The following CDH13 variants were observed in gnomAD, a reference collection of about 807,000 sequenced individuals.
CDH13 encodes cadherin 13, also known as cadherin-13.
A neutral mutation model predicts 63.8 loss-of-function variants in CDH13; 24 were observed. That is an observed-to-expected ratio of 0.38 (90% CI 0.27 to 0.53). The LOEUF (loss-of-function observed/expected upper bound fraction) is 0.53, where lower values mean the gene tolerates loss of function less well. Among genes scored for constraint, CDH13 ranks in the 20% least tolerant of loss-of-function variants. CDH13 has a pLI of 0.85. For missense variants in CDH13, 1,049 were observed against 903.1 expected (o/e 1.16, Z -2.07); for synonymous variants, 503 against 355.3 (o/e 1.42, Z -4.67).
intron 6 of CDH13, among the ~76,000 whole-genome samples, chr16:83,354,900 C>A (rs985704044): frequency 6.6e-6 from 1 of 152,336 alleles, no homozygotes; most frequent in African/African-American, 2.4e-5. Context: ...CATGTATTGA[C>A]TATGGCTGCT....
intron 8 of CDH13, among the ~76,000 whole-genome samples, chr16:83,609,394 A>G (rs1285256980): frequency 7.6e-6 from 1 of 131,484 alleles, no homozygotes; most frequent in Admixed American, 7.4e-5. Context: ...CTTTAAATCA[A>G]TGACACATAT....
chr16:83,063,897 G>A (rs1193367245), intron 3 of CDH13, among the ~76,000 whole-genome samples: 2 of 152,118 alleles, frequency 1.3e-5, no homozygotes, highest in South Asian at 4.2e-4. Context: ...TGCAGGGAGA[G>A]TCCTGGGAAC....
intron 2 of CDH13, among the ~76,000 whole-genome samples, chr16:83,010,135 C>CAA (rs67985333): frequency 3.0e-4 from 15 of 50,100 alleles, no homozygotes; most frequent in African/African-American, 1.1e-3. Flanking sequence ...AACTCTGTCT[C>CAA]AAAAAAAAAA....
intron 2 of CDH13, among the ~76,000 whole-genome samples, chr16:82,976,567 T>C (rs142206217): frequency 1.3e-5 from 2 of 152,184 alleles, no homozygotes; most frequent in Non-Finnish European, 2.9e-5. Flanking sequence ...AGATAAATTA[T>C]GCCTCAAGAC....
intron 10 of CDH13, among the ~76,000 whole-genome samples, chr16:83,715,651 G>A (rs374513026): frequency 6.6e-5 from 10 of 151,692 alleles, no homozygotes; most frequent in African/African-American, 9.7e-5. Flanking sequence ...GCTGTGTGTC[G>A]CTGACAGGCA....
intron 5 of CDH13, among the ~76,000 whole-genome samples, chr16:83,232,379 G>C (rs777961294): frequency 6.6e-6 from 1 of 151,762 alleles, no homozygotes; most frequent in Non-Finnish European, 1.5e-5. Context: ...ACAAAAATTA[G>C]CCAGGCATGA....
chr16:83,154,513 G>A (rs916852042), intron 4 of CDH13, among the ~76,000 whole-genome samples: 6 of 150,514 alleles, frequency 4.0e-5, no homozygotes, highest in Admixed American at 6.7e-5. Context: ...GTTGCAGTGA[G>A]CCAAGATCGC....
intron 1 of CDH13, among the ~76,000 whole-genome samples, chr16:82,774,554 A>G (rs2035407321): frequency 6.6e-6 from 1 of 152,220 alleles, no homozygotes; most frequent in Non-Finnish European, 1.5e-5. Flanking sequence ...TTCATTCAAC[A>G]AGCATTTATT....
chr16:83,049,325 CTT>C (rs34082309), intron 3 of CDH13, among the ~76,000 whole-genome samples: 3 of 126,102 alleles, frequency 2.4e-5, no homozygotes, highest in East Asian at 2.3e-4. Context: ...TGACTGGCCT[CTT>C]TTTTTTTTTT....
intron 5 of CDH13, among the ~76,000 whole-genome samples, chr16:83,289,326 C>T (rs1365720633): frequency 2.0e-5 from 3 of 152,176 alleles, no homozygotes; most frequent in Non-Finnish European, 4.4e-5. Flanking sequence ...TATCTGGTGA[C>T]AGCTTCTTTC....
intron 7 of CDH13, among the ~76,000 whole-genome samples, chr16:83,510,321 G>A (rs1039626435): frequency 3.3e-5 from 5 of 152,246 alleles, no homozygotes; most frequent in Middle Eastern, 3.4e-3. Flanking sequence ...TATGAATTTA[G>A]ATGACATTTT....
chr16:83,509,738 A>C (rs1010144172), intron 7 of CDH13, among the ~76,000 whole-genome samples: 1 of 152,232 alleles, frequency 6.6e-6, no homozygotes, highest in Admixed American at 6.5e-5. Context: ...AAATACTAAT[A>C]ATAAAAACTA....
intron 6 of CDH13, among the ~76,000 whole-genome samples, chr16:83,366,590 A>C (rs1004591106): frequency 6.6e-6 from 1 of 152,202 alleles, no homozygotes; most frequent in African/African-American, 2.4e-5. Flanking sequence ...TACCATCATT[A>C]AGGAAGTCAC....
At chr16:83,647,350 C>T (rs1598409887) in intron 8 of CDH13, among the ~76,000 whole-genome samples, 1 of 151,434 alleles carries the variant, frequency 6.6e-6, no homozygotes, top group South Asian at 2.1e-4. Flanking sequence ...AGCATCCACT[C>T]TTACCCTACC....
chr16:82,796,163 T>G (rs1332456711), intron 1 of CDH13, among the ~76,000 whole-genome samples: 1 of 152,142 alleles, frequency 6.6e-6, no homozygotes, highest in Non-Finnish European at 1.5e-5. Flanking sequence ...GGCAGCCTCG[T>G]GGGTAATACA....
chr16:82,897,182 C>T (rs2041300049), intron 2 of CDH13, among the ~76,000 whole-genome samples: 1 of 152,048 alleles, frequency 6.6e-6, no homozygotes, highest in African/African-American at 2.4e-5. Flanking sequence ...GTGGGTTTGC[C>T]TTAGCATAGC....
chr16:83,089,641 C>G (rs1335589832), intron 3 of CDH13, among the ~76,000 whole-genome samples: 1 of 152,168 alleles, frequency 6.6e-6, no homozygotes, highest in African/African-American at 2.4e-5. Context: ...AGGGAGCACT[C>G]TTGGTTTCTA....
In CDH13 at chr16:83,606,726, C is replaced by CAAAAAAA. The variant is rs11424833; in HGVS notation, c.1101+4141_1101+4147dup. ...TGGGTGACAGAATGAGACCCAGTTT[C>CAAAAAAA]AAAAAAAAAAAAAAAGTTTGCAGGT... On this transcript the variant is annotated intron_variant, in intron 8 of 13. Coordinates refer to ENST00000567109, the MANE Select transcript of CDH13 (RefSeq NM_001257.5). 4.2e-4 allele frequency among the ~76,000 whole-genome samples: 58 copies of CAAAAAAA among 138,388 alleles called. 1 individual carries two copies. Among genetic ancestry groups the CAAAAAAA allele is most frequent in the Middle Eastern group, 3.8e-3 (1 of 266 alleles). The allele number at this position is 138,388 out of a possible 152,430, so 90.8% of individuals were successfully genotyped here.
At chr16:83,589,884 A>T (rs1350020363) in intron 7 of CDH13, among the ~76,000 whole-genome samples, 1 of 151,438 alleles carries the variant, frequency 6.6e-6, no homozygotes, top group Non-Finnish European at 1.5e-5. Context: ...TTTGATTATC[A>T]CTTGCTTGAA....
Sources: allele counts gnomAD v4.1 joint callset (sites outside exome capture counted in the v4.1 genomes callset), GRCh38; gene constraint gnomAD v4.1.1; transcripts MANE v1.5; gene names NCBI Gene and HGNC (gene_info 2026-07-23, HGNC 2026-07-21).